The following IGF2R variants were observed in gnomAD, a reference collection of about 807,000 sequenced individuals.
IGF2R encodes insulin like growth factor 2 receptor, also known as cation-independent mannose-6-phosphate receptor.
IGF2R carries 91 observed loss-of-function variants against 270.6 expected under a neutral mutation model. The observed-to-expected ratio is 0.34, with a 90% CI of 0.28 to 0.40. The LOEUF (loss-of-function observed/expected upper bound fraction) is 0.40. Among genes scored for constraint, IGF2R ranks in the 10% least tolerant of loss-of-function variants. IGF2R has a pLI of 1.00. For missense variants in IGF2R, 2,805 were observed against 3,188.3 expected, an observed-to-expected ratio of 0.88 and a Z score of 2.90; for synonymous variants, 1,316 against 1,258.9, an observed-to-expected ratio of 1.05 and a Z score of -0.96.
chr6:159,991,160 C>CA, intron 1 of IGF2R, 24 bp from the exon 2 acceptor site: 1 of 1,586,874 alleles, frequency 6.3e-7, no homozygotes. Flanking sequence ...GTGACATTGA[C>CA]AAGTTGTTTT....
At chr6:160,065,814 G>GTGTGTGTGTGTGTATATATATATA in intron 29 of IGF2R, among the ~76,000 whole-genome samples, 9 of 78,390 alleles carry the variant, frequency 1.1e-4, no homozygotes, top group East Asian at 3.0e-4. Flanking sequence ...GTGTGTGTGT[G>GTGTGTGTGTGTGTATATATATATA]TATATATATA....
chr6:160,063,464 G>A lies in IGF2R; in HGVS notation c.3720G>A (p.Leu1240=), dbSNP rs1267986517. ...CAAGGCATGGCAACTTGTATGACCT[G>A]AAGCCCCTGGGCCTCAACGACACCA... ...KDPRHGNLYD[L]KPLGLNDTIV... Residue 1240 remains leucine, a synonymous_variant, in exon 27 of 48, where the codon CTG becomes CTA. Transcript: ENST00000356956. 6.2e-7 allele frequency: 1 copy of A among 1,613,184 alleles called. No individual in the cohort carries two copies.
chr6:159,993,985 A>ATTTTTTTT (rs59369382), intron 2 of IGF2R, among the ~76,000 whole-genome samples: 4 of 61,038 alleles, frequency 6.6e-5, no homozygotes, highest in South Asian at 5.4e-4. Flanking sequence ...CTCCAACTTG[A>ATTTTTTTT]TTTTTTTTTT....
chr6:160,096,301 G>T, intron 44 of IGF2R, 138 bp from the exon 45 acceptor site: 2 of 706,808 alleles, frequency 2.8e-6, no homozygotes, highest in South Asian at 1.8e-5. Flanking sequence ...TGTGAACAGA[G>T]TGCCTGTGGG....
intron 1 of IGF2R, among the ~76,000 whole-genome samples, chr6:159,982,370 A>C (rs574310515): frequency 6.6e-6 from 1 of 152,314 alleles, no homozygotes; most frequent in East Asian, 1.9e-4. Context: ...ATACTCTGTT[A>C]GAGGACTTGC....
At chr6:159,988,570 CTT>C (rs974534335) in intron 1 of IGF2R, among the ~76,000 whole-genome samples, 1 of 150,130 alleles carries the variant, frequency 6.7e-6, no homozygotes, top group Non-Finnish European at 1.5e-5. Context: ...GTGTGGATCT[CTT>C]TAGCGTTGAT....
chr6:160,079,677 C>G lies in IGF2R; in HGVS notation c.5576C>G (p.Ser1859Ter). Residue 1859 changes from serine to a stop codon, truncating the protein, a stop_gained, in exon 38 of 48, where the codon TCA (serine) becomes TGA (stop). Transcript: ENST00000356956. LOFTEE classifies it high-confidence loss of function. ...AAGGACGGAGGAGTCTGTCTGCTCT[C>G]AGGCACCAAGGGGGCATCCTTTGGA... ...GCKDGGVCLL[S>*]GTKGASFGRL... is the part of the protein sequence containing the mutation. The G allele has an allele frequency of 6.4e-7, 1 of 1,560,770 alleles. No individual in the cohort carries two copies. The highest frequency in any genetic ancestry group is 8.7e-7 in the Non-Finnish European group (1 of 1,154,460).
In IGF2R at chr6:160,024,617, A is replaced by G. The variant is rs761628691; in HGVS notation, c.559A>G (p.Asn187Asp). 6.2e-7 allele frequency: 1 copy of G among 1,613,688 alleles called. No homozygotes were observed. The highest frequency in any genetic ancestry group is 1.1e-5 in the South Asian group (1 of 91,070). The change falls in exon 5 of 48, where the codon AAT becomes GAT. Residue 187 changes from asparagine to aspartate, a missense_variant. Around this residue, in one of 2 missense-constraint regions of IGF2R, gnomAD observed 954 missense variants for 981.1 expected, o/e 0.97. Coordinates refer to ENST00000356956, the MANE Select transcript of IGF2R (RefSeq NM_000876.4). ...TGAAGAGTTGAGGAAGCATGATCTC[A>G]ATCCTCTGATCAAGCTTAGTGGTGC... ...FDEELRKHDL[N>D]PLIKLSGAYL...
chr6:160,084,299 A>C lies in IGF2R; in HGVS notation c.6068+115A>C. ...AAGATGGGAATACTATGCCCATGTG[A>C]GGCTGATGGTGGTTGAGTTGTGACT... is the stretch of plus-strand genomic sequence containing the variant. On this transcript the variant is annotated intron_variant, in intron 40 of 47. Coordinates refer to ENST00000356956, the MANE Select transcript of IGF2R (RefSeq NM_000876.4). The surrounding 1 kb of genome is among the most constrained non-coding windows in gnomAD (Gnocchi z 4.6). The C allele has an allele frequency of 1.5e-6, 1 of 656,818 alleles. No homozygotes were observed. The highest frequency in any genetic ancestry group is 1.8e-5 in the African/African-American group (1 of 55,514). 40.7% of individuals were successfully genotyped at this position (656,818 alleles called of 1,614,324 possible). A position where few individuals can be genotyped will look rare whatever the true frequency, so the allele number is the denominator to read the frequency against.
rs1778846840 is a variant in IGF2R, at chr6:160,075,942, G to T, written c.5262G>T (p.Lys1754Asn). The T allele has an allele frequency of 6.2e-7, 1 of 1,614,214 alleles. No individual in the cohort carries two copies. Among genetic ancestry groups the T allele is most frequent in the Non-Finnish European group, 8.5e-7 (1 of 1,180,022 alleles). ...FESSTPCLAD[K>N]HFNYTSLIAF... ...GCAGTACTCCTTGCTTAGCGGACAA[G>T]CATTTCAACTACACCTCGCTCATCG... is the stretch of plus-strand genomic sequence containing the variant. The change falls in exon 36 of 48, where the codon AAG becomes AAT. Residue 1754 changes from lysine to asparagine, a missense_variant. By Grantham distance (94) the Lys-to-Asn change is moderately conservative (BLOSUM62 0). This residue lies in a region of IGF2R where 1,851 missense variants were observed against 2,207.2 expected (regional missense o/e 0.84). Coordinates refer to ENST00000356956, the MANE Select transcript of IGF2R (RefSeq NM_000876.4).
At chr6:160,023,955 A>G (rs1469207425) in intron 4 of IGF2R, among the ~76,000 whole-genome samples, 1 of 152,184 alleles carries the variant, frequency 6.6e-6, no homozygotes, top group African/African-American at 2.4e-5. Context: ...GAAGAAAACC[A>G]GGAGCCTGTG....
chr6:159,972,988 A>G (rs1307916671), intron 1 of IGF2R, among the ~76,000 whole-genome samples: 1 of 152,186 alleles, frequency 6.6e-6, no homozygotes, highest in Non-Finnish European at 1.5e-5. Context: ...ATTCTTATGC[A>G]GGTATTTCTT....
intron 2 of IGF2R, chr6:160,005,119 A>C (rs573877198): frequency 6.6e-6 from 1 of 152,450 alleles, no homozygotes; most frequent in South Asian, 2.1e-4. Flanking sequence ...TCATCTGTGC[A>C]GGCTCCGGTG....
chr6:159,992,870 C>A (rs1816632507), intron 2 of IGF2R, among the ~76,000 whole-genome samples: 1 of 152,306 alleles, frequency 6.6e-6, no homozygotes, highest in Admixed American at 6.5e-5. Flanking sequence ...AATTTACATT[C>A]CCACCAGTGT....
At chr6:160,076,052 C>T in intron 36 of IGF2R, 56 bp downstream of exon 36, 1 of 1,562,066 alleles carries the variant, frequency 6.4e-7, no homozygotes, top group Non-Finnish European at 8.8e-7. Context: ...TGAGCCAAGG[C>T]TAGACAACCA....
Position 160,080,193 on chromosome 6 carries a change from C to A in IGF2R, c.5751C>A (p.Cys1917Ter), listed in dbSNP as rs2115282416. Residue 1917 changes from cysteine (C) to a stop codon, truncating the protein, a stop_gained, in exon 39 of 48, where the codon TGC (cysteine) becomes TGA (stop). Transcript: ENST00000356956. LOFTEE classifies it high-confidence loss of function. Reference sequence around the variant, plus strand: ...TCAATGGGAAGAGCTACGAGGAGTGCATCATAGAGAGCAGGGCGAAGCTGT... The same window carrying A: ...TCAATGGGAAGAGCTACGAGGAGTGAATCATAGAGAGCAGGGCGAAGCTGT... ...FIFNGKSYEE[C>*]IIESRAKLWC... The A allele has an allele frequency of 6.2e-7, 1 of 1,614,104 alleles. No homozygotes were observed. The highest frequency in any genetic ancestry group is 1.1e-5 in the South Asian group (1 of 91,086).
At position 160,043,204 on chromosome 6, in the gene IGF2R, C is replaced by G. The variant is rs776376615; in HGVS notation, c.1537C>G (p.His513Asp). Residue 513 changes from histidine to aspartate, a missense_variant, in exon 12 of 48, where the codon CAT (histidine) becomes GAT (aspartate). His to Asp is a moderately conservative substitution (Grantham distance 81). Coordinates refer to ENST00000356956, the MANE Select transcript of IGF2R (RefSeq NM_000876.4). ...CAGTCAGACGGAAACAGAGAAGAAG[C>G]ATTTTTTCATTAATATTTGTCACAG... Reference protein sequence around the residue: ...DGSQTETEKKHFFINICHRVL... With the variant: ...DGSQTETEKKDFFINICHRVL... 1.5e-5 allele frequency: 24 copies of G among 1,613,948 alleles called. No individual in the cohort carries two copies. The Admixed American group carries it at 1.7e-4, about 11-fold the overall frequency.
chr6:160,099,043 T>C (rs915345596), intron 45 of IGF2R, among the ~76,000 whole-genome samples: 7 of 152,102 alleles, frequency 4.6e-5, no homozygotes, highest in African/African-American at 1.7e-4. Flanking sequence ...TTGATTAAAG[T>C]CAAAAAATTT....
In IGF2R at chr6:160,072,131, A is replaced by T; in HGVS notation, c.4570+95A>T. 2.6e-6 allele frequency: 4 copies of T among 1,526,952 alleles called. No homozygotes were observed. The South Asian group carries it at 4.6e-5, about 18-fold the overall frequency. 94.6% of individuals were successfully genotyped at this position (1,526,952 alleles called of 1,614,324 possible). On this transcript the variant is annotated intron_variant, in intron 32 of 47. Coordinates refer to ENST00000356956, the MANE Select transcript of IGF2R (RefSeq NM_000876.4). Reference sequence around the variant, plus strand: ...CAGGGGAGAGACCCAAAGAGAAGCTATGGGCAGCAGGCGCCCTGGGCAGAG... The same window carrying T: ...CAGGGGAGAGACCCAAAGAGAAGCTTTGGGCAGCAGGCGCCCTGGGCAGAG...
Sources: allele counts gnomAD v4.1 joint callset (sites outside exome capture counted in the v4.1 genomes callset), GRCh38; gene constraint gnomAD v4.1.1; regional missense constraint gnomAD v4.1.1; non-coding constraint Gnocchi (gnomAD v3.1); transcripts MANE v1.5; gene names NCBI Gene and HGNC (gene_info 2026-07-23, HGNC 2026-07-21).